NUAK1: variants seen among roughly 807,000 people sequenced by gnomAD.
NUAK1 encodes NUAK family kinase 1, also known as NUAK family SNF1-like kinase 1.
NUAK1 carries 26 observed loss-of-function variants against 56.9 expected under a neutral mutation model. That is an observed-to-expected ratio of 0.46 (90% CI 0.33 to 0.63). NUAK1 has a LOEUF of 0.63. Among genes scored for constraint, NUAK1 ranks in the 30% least tolerant of loss-of-function variants. NUAK1 has a pLI of 0.02. For missense variants in NUAK1, 727 were observed against 876.1 expected (o/e 0.83, Z 2.15); for synonymous variants, 337 against 336.0 (o/e 1.00, Z -0.03).
At chr12:106,122,580 C>A (rs2032988454) in intron 1 of NUAK1, among the ~76,000 whole-genome samples, 1 of 152,124 alleles carries the variant, frequency 6.6e-6, no homozygotes, top group African/African-American at 2.4e-5. Flanking sequence ...AAGTTTCAGG[C>A]CCAAATAGGA....
At chr12:106,137,885 C>G (rs1045833646) in intron 1 of NUAK1, among the ~76,000 whole-genome samples, 8 of 152,244 alleles carry the variant, frequency 5.3e-5, no homozygotes, top group African/African-American at 1.9e-4. Context: ...GAGTCGCCCT[C>G]CCTTGCAGTC....
chr12:106,085,363 T>G (rs1402507855), intron 3 of NUAK1, among the ~76,000 whole-genome samples: 1 of 152,246 alleles, frequency 6.6e-6, no homozygotes, highest in African/African-American at 2.4e-5. Flanking sequence ...TCAAATAATG[T>G]TCACATGAGT....
At chr12:106,099,653 G>A (rs756880821) in intron 2 of NUAK1, among the ~76,000 whole-genome samples, 10 of 152,094 alleles carry the variant, frequency 6.6e-5, no homozygotes, top group Non-Finnish European at 1.3e-4. Flanking sequence ...TGCCTCTAAA[G>A]CTGAATTTTC....
intron 1 of NUAK1, among the ~76,000 whole-genome samples, chr12:106,125,241 T>G (rs988817858): frequency 1.3e-5 from 2 of 152,156 alleles, no homozygotes; most frequent in African/African-American, 4.8e-5. Context: ...TTTCTTGCAT[T>G]CTGACTGTGT....
chr12:106,124,996 C>CAATAAATACATA (rs745720617), intron 1 of NUAK1, among the ~76,000 whole-genome samples: 4 of 147,000 alleles, frequency 2.7e-5, no homozygotes, highest in African/African-American at 1.0e-4. Flanking sequence ...GACTCCATCT[C>CAATAAATACATA]AATAAATAAA....
rs1207537667 is a variant in NUAK1, at chr12:106,064,802, C to G, written c.*2000G>C. The stretch of plus-strand genomic sequence containing the variant: ...ATGCACCCACACCCCCACCCCCCCC[C>G]ACACACACAATTTGCTATCTACAGA... On this transcript the variant is annotated 3_prime_UTR_variant, in exon 7 of 7. Transcript: ENST00000261402. The G allele has an allele frequency of 1.4e-5, 2 of 142,860 alleles. No individual in the cohort carries two copies. Among genetic ancestry groups the G allele is most frequent in the African/African-American group, 5.1e-5 (2 of 39,534 alleles). The allele number at this position is 142,860 out of a possible 1,614,324, so 8.8% of individuals were successfully genotyped here.
chr12:106,106,247 A>C, intron 2 of NUAK1, 158 bp downstream of exon 2: 1 of 604,250 alleles, frequency 1.7e-6, no homozygotes, highest in South Asian at 2.4e-5. Flanking sequence ...GTTGTGTTCA[A>C]GGTAACCAAG....
chr12:106,083,686 T>C (rs2032541830), intron 4 of NUAK1, among the ~76,000 whole-genome samples, 178 bp downstream of exon 4: 2 of 152,278 alleles, frequency 1.3e-5, no homozygotes, highest in East Asian at 1.9e-4. Context: ...CAATAACTGC[T>C]TGTCGCATTT....
At chr12:106,115,001 T>C (rs2032901790) in intron 1 of NUAK1, among the ~76,000 whole-genome samples, 2 of 152,202 alleles carry the variant, frequency 1.3e-5, no homozygotes, top group Non-Finnish European at 2.9e-5. Flanking sequence ...CAAACTTTCC[T>C]CCAATTTCTG....
chr12:106,136,938 T>A (rs947547561), intron 1 of NUAK1, among the ~76,000 whole-genome samples: 11 of 152,212 alleles, frequency 7.2e-5, no homozygotes, highest in African/African-American at 2.4e-4. Context: ...AACAATTTCA[T>A]CCTACGAAAA....
intron 1 of NUAK1, among the ~76,000 whole-genome samples, chr12:106,129,820 T>C (rs1419554715): frequency 6.6e-6 from 1 of 152,204 alleles, no homozygotes; most frequent in Non-Finnish European, 1.5e-5. Flanking sequence ...TTGCACTTGG[T>C]AGGATACTTC....
intron 1 of NUAK1, among the ~76,000 whole-genome samples, chr12:106,129,430 C>T (rs1027195549): frequency 2.0e-5 from 3 of 152,236 alleles, no homozygotes; most frequent in Non-Finnish European, 2.9e-5. Context: ...ACGAGTGAGA[C>T]AGACAGCAGC....
intron 1 of NUAK1, among the ~76,000 whole-genome samples, chr12:106,135,657 G>A (rs772931347): frequency 5.3e-5 from 8 of 152,192 alleles, no homozygotes; most frequent in Admixed American, 2.0e-4. Context: ...CCTCTTGAGA[G>A]ATGCTGTAAA....
intron 1 of NUAK1, among the ~76,000 whole-genome samples, chr12:106,107,045 C>G (rs1027534409): frequency 6.6e-6 from 1 of 152,142 alleles, no homozygotes; most frequent in African/African-American, 2.4e-5. Flanking sequence ...GCTGTGTTTA[C>G]GCAAGGGCTC....
intron 1 of NUAK1, among the ~76,000 whole-genome samples, chr12:106,128,325 T>G (rs1468877808): frequency 6.6e-6 from 1 of 152,018 alleles, no homozygotes; most frequent in Admixed American, 6.5e-5. Context: ...GAGACAGGGT[T>G]TTGCCATGTT....
chr12:106,108,505 A>G (rs7316186), intron 1 of NUAK1, among the ~76,000 whole-genome samples: 60,650 of 152,002 alleles, frequency 0.4, 14,781 homozygotes, highest in African/African-American at 0.7. Context: ...ACTTCCCTTC[A>G]CTTACGTCAA....
intron 2 of NUAK1, among the ~76,000 whole-genome samples, chr12:106,095,153 A>C (rs2032683665): frequency 6.6e-6 from 1 of 151,976 alleles, no homozygotes. Context: ...ACACACACAC[A>C]CCACTCTTTC....
chr12:106,115,128 C>T (rs1459060692), intron 1 of NUAK1, among the ~76,000 whole-genome samples: 1 of 152,186 alleles, frequency 6.6e-6, no homozygotes, highest in Admixed American at 6.5e-5. Context: ...TACTGAATCA[C>T]TAACCTTGGG....
chr12:106,100,125 C>T (rs910208290), intron 2 of NUAK1, among the ~76,000 whole-genome samples: 1 of 150,570 alleles, frequency 6.6e-6, no homozygotes, highest in Non-Finnish European at 1.5e-5. Flanking sequence ...CCAACATGAC[C>T]TCCCAGAGTG....
Sources: gnomAD v4.1 joint callset for allele counts (sites outside exome capture counted in the v4.1 genomes callset) on GRCh38, gnomAD v4.1.1 for gene constraint, MANE v1.5 for transcripts, NCBI Gene and HGNC (gene_info 2026-07-23, HGNC 2026-07-21) for gene names.